ANKRD10: variants seen among roughly 807,000 people sequenced by gnomAD.
The protein encoded by ANKRD10 is ankyrin repeat domain-containing protein 10.
ANKRD10 carries 14 observed loss-of-function variants against 27.0 expected under a neutral mutation model. The ratio of observed to expected loss-of-function variants is 0.52; its 90% CI spans 0.34 to 0.81. The LOEUF (loss-of-function observed/expected upper bound fraction) is 0.81, where lower values mean the gene tolerates loss of function less well. Ranked by LOEUF, ANKRD10 falls within the 40% of genes least tolerant of loss-of-function variation. The probability of loss-of-function intolerance (pLI) is 0.01; values close to 1 mark genes in which losing one functional copy is unlikely to be tolerated. For missense variants in ANKRD10, 493 were observed against 544.0 expected, an observed-to-expected ratio of 0.91 and a Z score of 0.93; for synonymous variants, 250 against 224.5, an observed-to-expected ratio of 1.11 and a Z score of -1.01.
chr13:110,889,980 A>C (rs2065032522), intron 4 of ANKRD10, among the ~76,000 whole-genome samples: 1 of 152,166 alleles, frequency 6.6e-6, no homozygotes, highest in South Asian at 2.1e-4. Context: ...AACTCTTCTA[A>C]ATATTTTTAT....
intron 3 of ANKRD10, among the ~76,000 whole-genome samples, chr13:110,902,017 T>A (rs901580258): frequency 7.3e-6 from 1 of 136,626 alleles, no homozygotes; most frequent in African/African-American, 2.8e-5. Context: ...TACTTTAGCC[T>A]GGACGACAAA....
At chr13:110,898,719 C>T (rs1396538298) in intron 3 of ANKRD10, among the ~76,000 whole-genome samples, 2 of 150,544 alleles carry the variant, frequency 1.3e-5, no homozygotes, top group African/African-American at 4.9e-5. Context: ...ACCACAGGTA[C>T]ACAACACCAT....
intron 4 of ANKRD10, among the ~76,000 whole-genome samples, chr13:110,885,287 T>C (rs1594539614): frequency 6.6e-6 from 1 of 151,440 alleles, no homozygotes; most frequent in Admixed American, 6.6e-5. Flanking sequence ...GCATGGTGGC[T>C]CATGCCTGTA....
intron 2 of ANKRD10, among the ~76,000 whole-genome samples, chr13:110,908,241 T>A (rs552248134): frequency 6.6e-6 from 1 of 151,998 alleles, no homozygotes; most frequent in Admixed American, 6.6e-5. Flanking sequence ...AATCTAGATA[T>A]GAAAAATTAA....
At chr13:110,907,666 A>G (rs1158545966) in intron 2 of ANKRD10, among the ~76,000 whole-genome samples, 2 of 152,236 alleles carry the variant, frequency 1.3e-5, no homozygotes, top group Non-Finnish European at 2.9e-5. Context: ...CCATTTTTGA[A>G]GACAGAAACA....
At chr13:110,899,271 C>T (rs1373209242) in intron 3 of ANKRD10, 1 of 152,178 alleles carries the variant, frequency 6.6e-6, no homozygotes, top group Non-Finnish European at 1.5e-5. Context: ...ATTTTGAATG[C>T]AAACTGGTAG....
At chr13:110,913,355 G>A (rs1271659499) in intron 1 of ANKRD10, among the ~76,000 whole-genome samples, 3 of 152,194 alleles carry the variant, frequency 2.0e-5, no homozygotes, top group Admixed American at 6.5e-5. Context: ...ACGCAGAAGC[G>A]CAGGGAGGAG....
intron 5 of ANKRD10, chr13:110,883,471 T>C (rs1594532979): frequency 7.9e-7 from 1 of 1,259,910 alleles, no homozygotes; most frequent in Non-Finnish European, 1.0e-6. Context: ...ATGCAAATTA[T>C]AGTATAACAT....
At chr13:110,906,697 G>A (rs897485858) in intron 2 of ANKRD10, among the ~76,000 whole-genome samples, 2 of 152,090 alleles carry the variant, frequency 1.3e-5, no homozygotes, top group Admixed American at 6.6e-5. Flanking sequence ...ATTTACTAGA[G>A]GGAATATTTA....
intron 1 of ANKRD10, among the ~76,000 whole-genome samples, chr13:110,914,341 G>C (rs990878361): frequency 6.6e-6 from 1 of 152,124 alleles, no homozygotes; most frequent in Non-Finnish European, 1.5e-5. Flanking sequence ...GAAATCGCTC[G>C]CGCCTCCGGC....
chr13:110,910,111 G>T (rs1402842343), intron 2 of ANKRD10, among the ~76,000 whole-genome samples: 2 of 152,154 alleles, frequency 1.3e-5, no homozygotes, highest in Non-Finnish European at 2.9e-5. Context: ...AATCTGGCAC[G>T]ATTATGTTCC....
intron 4 of ANKRD10, among the ~76,000 whole-genome samples, chr13:110,886,725 T>C (rs1265196237): frequency 6.6e-6 from 1 of 152,214 alleles, no homozygotes; most frequent in Non-Finnish European, 1.5e-5. Context: ...ACACCTTGCA[T>C]TTGAGAAGGG....
In ANKRD10 at chr13:110,880,122, G is replaced by C. The variant is rs1220078467; in HGVS notation, c.788-10C>G. The C allele has an allele frequency of 6.2e-7, 1 of 1,601,948 alleles. No individual in the cohort carries two copies. Among genetic ancestry groups the C allele is most frequent in the Non-Finnish European group, 8.5e-7 (1 of 1,171,198 alleles). ...CTACTGTTTTTCATATCTGCATTAA[G>C]AAATACACCTGTCACCAAAATTCAG... On this transcript the variant is annotated splice_polypyrimidine_tract_variant and intron_variant, in intron 5 of 5. Transcript: ENST00000267339.
Position 110,914,735 on chromosome 13 carries a change from T to C in ANKRD10, c.200A>G (p.His67Arg). 6.3e-7 allele frequency: 1 copy of C among 1,586,004 alleles called. No homozygotes were observed. Among genetic ancestry groups the C allele is most frequent in the Non-Finnish European group, 8.6e-7 (1 of 1,167,040 alleles). ...YGWTPVHWAAHFGKLECLVQL... is the reference protein window; with the variant it reads ...YGWTPVHWAARFGKLECLVQL... ...AGCGTTCGCACCCACCTTGCCGAAATGCGCGGCCCAGTGCACGGGCGTCCA... is the reference window on the plus strand; with the variant it reads ...AGCGTTCGCACCCACCTTGCCGAAACGCGCGGCCCAGTGCACGGGCGTCCA... The change falls in exon 1 of 6, where the codon CAT becomes CGT. Residue 67 changes from histidine to arginine, a missense_variant. Physicochemically the swap from His to Arg is conservative, Grantham distance 29. Transcript: ENST00000267339.
chr13:110,909,401 A>G (rs1306557564), intron 2 of ANKRD10, among the ~76,000 whole-genome samples: 1 of 152,186 alleles, frequency 6.6e-6, no homozygotes, highest in Non-Finnish European at 1.5e-5. Flanking sequence ...CCAGCACATA[A>G]GGGTATTGAG....
chr13:110,894,135 G>A, intron 3 of ANKRD10: 1 of 1,611,168 alleles, frequency 6.2e-7, no homozygotes, highest in African/African-American at 1.3e-5. Flanking sequence ...AAAACTGAGG[G>A]ATCAAAAGTA....
intron 4 of ANKRD10, among the ~76,000 whole-genome samples, chr13:110,890,464 A>T (rs918881753): frequency 6.6e-6 from 1 of 152,026 alleles, no homozygotes; most frequent in African/African-American, 2.4e-5. Context: ...ATATAAACAC[A>T]CTCTTGTGAC....
At chr13:110,914,604 G>T in intron 1 of ANKRD10, 121 bp downstream of exon 1, 1 of 1,396,828 alleles carries the variant, frequency 7.2e-7, no homozygotes, top group Non-Finnish European at 9.4e-7. Context: ...CACAGGCGCC[G>T]TCGATCCCGC....
At chr13:110,880,217 T>C (rs1039815765) in intron 5 of ANKRD10, 105 bp from the exon 6 acceptor site, 3 of 1,010,742 alleles carry the variant, frequency 3.0e-6, no homozygotes, top group Non-Finnish European at 4.2e-6. Context: ...TTAGTTTCTT[T>C]TTTTTCCTTT....
Sources: allele counts gnomAD v4.1 joint callset (sites outside exome capture counted in the v4.1 genomes callset), GRCh38; gene constraint gnomAD v4.1.1; transcripts MANE v1.5; gene names NCBI Gene and HGNC (gene_info 2026-07-23, HGNC 2026-07-21).